The following FAM107B variants were observed in gnomAD, a reference collection of about 807,000 sequenced individuals.
FAM107B encodes family with sequence similarity 107 member B, also known as protein FAM107B.
Under a neutral mutation model 31.5 loss-of-function variants are expected in FAM107B, and 21 were observed. That is an observed-to-expected ratio of 0.67 (90% CI 0.47 to 0.96). The LOEUF is 0.96. FAM107B is among the 40% of genes least tolerant of loss of function. The pLI, the probability that FAM107B is intolerant of heterozygous loss-of-function variation, is 0.00. For missense variants in FAM107B, 452 were observed against 377.1 expected (o/e 1.20, Z -1.64); for synonymous variants, 157 against 141.5 (o/e 1.11, Z -0.78).
chr10:14,647,592 G>A (rs1356497597), intron 2 of FAM107B, among the ~76,000 whole-genome samples: 1 of 151,476 alleles, frequency 6.6e-6, no homozygotes, highest in Non-Finnish European at 1.5e-5. Flanking sequence ...GCTGAGGCAG[G>A]AGGAATCACT....
intron 2 of FAM107B, among the ~76,000 whole-genome samples, chr10:14,619,251 C>T (rs886727324): frequency 1.3e-5 from 2 of 152,150 alleles, no homozygotes; most frequent in Non-Finnish European, 1.5e-5. Context: ...TACGGTCAGT[C>T]GGTGTACATT....
chr10:14,534,375 C>G (rs1847384312), intron 2 of FAM107B, among the ~76,000 whole-genome samples: 1 of 152,086 alleles, frequency 6.6e-6, no homozygotes, highest in Non-Finnish European at 1.5e-5. Context: ...ACACCCCGCC[C>G]TGGAGCTGTG....
intron 2 of FAM107B, among the ~76,000 whole-genome samples, chr10:14,575,742 CA>C (rs891009316): frequency 3.9e-5 from 6 of 152,144 alleles, no homozygotes; most frequent in Non-Finnish European, 8.8e-5. Flanking sequence ...CACGGGCTCA[CA>C]AAACAATACA....
rs3035276 is a variant in FAM107B at position 14,611,484 on chromosome 10, TTATATATATATATATATATATATA to T, written c.469+56126_469+56149del. Among the ~76,000 whole-genome samples, 30 of 124,692 alleles carry T rather than the reference TTATATATATATATATATATATATA, an allele frequency of 2.4e-4. 1 individual carries two copies. In the South Asian group the frequency reaches 3.1e-3, roughly 13 times the overall value. The allele number at this position is 124,692 out of a possible 152,430, so 81.8% of individuals were successfully genotyped here. On this transcript the variant is annotated intron_variant, in intron 2 of 4. Transcript: ENST00000181796. ...ATTAATAACTAGTTGAATGCCAGTT[TTATATATATATATATATATATATA>T]TATATATATATATATATATATTCAC...
chr10:14,543,514 C>T (rs1397880530), intron 2 of FAM107B, among the ~76,000 whole-genome samples: 1 of 151,972 alleles, frequency 6.6e-6, no homozygotes, highest in East Asian at 1.9e-4. Flanking sequence ...GAAATCAGCC[C>T]GTTCTCCAGG....
chr10:14,734,295 T>C (rs367693916), intron 1 of FAM107B, among the ~76,000 whole-genome samples: 1 of 152,106 alleles, frequency 6.6e-6, no homozygotes, highest in African/African-American at 2.4e-5. Flanking sequence ...ACCAGAACTG[T>C]CCCGCACCAA....
intron 2 of FAM107B, among the ~76,000 whole-genome samples, chr10:14,531,824 A>C (rs1164802988): frequency 6.6e-6 from 1 of 152,138 alleles, no homozygotes; most frequent in East Asian, 1.9e-4. Context: ...ACAGAGAGAG[A>C]CTCTGTCTCA....
intron 1 of FAM107B, among the ~76,000 whole-genome samples, chr10:14,767,053 T>TAG (rs1564295724): frequency 1.1e-3 from 30 of 26,408 alleles, no homozygotes; most frequent in Non-Finnish European, 1.5e-3. Context: ...TATATATATA[T>TAG]ATAGAGAGAG....
intron 1 of FAM107B, among the ~76,000 whole-genome samples, chr10:14,769,836 ACTC>A (rs1833260779): frequency 6.6e-6 from 1 of 152,010 alleles, no homozygotes; most frequent in Admixed American, 6.6e-5. Flanking sequence ...CTACCAAACT[ACTC>A]TGAAACTTTT....
intron 1 of FAM107B, among the ~76,000 whole-genome samples, chr10:14,745,874 G>A (rs1009181882): frequency 6.6e-6 from 1 of 152,134 alleles, no homozygotes; most frequent in Non-Finnish European, 1.5e-5. Context: ...CTGTCTCAAT[G>A]ATCTGCCTAA....
chr10:14,557,024 C>T (rs954579984), intron 2 of FAM107B, among the ~76,000 whole-genome samples: 3 of 152,222 alleles, frequency 2.0e-5, no homozygotes, highest in African/African-American at 4.8e-5. Context: ...CCACCTGGAG[C>T]GCATGACCCT....
intron 2 of FAM107B, chr10:14,556,451 A>G (rs1366502662): frequency 3.1e-6 from 3 of 977,428 alleles, no homozygotes; most frequent in East Asian, 2.3e-4. Flanking sequence ...GCCAGAGAGC[A>G]GCCCAGGCCA....
chr10:14,528,378 C>T (rs574232626), intron 3 of FAM107B, among the ~76,000 whole-genome samples: 63 of 152,016 alleles, frequency 4.1e-4, no homozygotes, highest in African/African-American at 1.5e-3. Flanking sequence ...GACAGGGTTT[C>T]GCCAGGTTGG....
intron 1 of FAM107B, among the ~76,000 whole-genome samples, chr10:14,757,680 G>A (rs532230785): frequency 1.1e-4 from 17 of 152,194 alleles, no homozygotes; most frequent in Non-Finnish European, 2.4e-4. Flanking sequence ...ACATAGTGAA[G>A]CCCAAGCAGG....
intron 2 of FAM107B, among the ~76,000 whole-genome samples, chr10:14,559,879 C>CT (rs1436255734): frequency 6.6e-6 from 1 of 151,924 alleles, no homozygotes. Flanking sequence ...TCTCAGAGGA[C>CT]TTTTTTGTGT....
chr10:14,582,823 C>T (rs11259202), intron 2 of FAM107B, among the ~76,000 whole-genome samples: 44,678 of 152,026 alleles, frequency 0.29, 7,404 homozygotes, highest in Middle Eastern at 0.38. Context: ...TGGTGGCTTA[C>T]GCCTATAATC....
intron 2 of FAM107B, among the ~76,000 whole-genome samples, chr10:14,533,248 A>C (rs1847224777): frequency 6.6e-6 from 1 of 152,176 alleles, no homozygotes; most frequent in African/African-American, 2.4e-5. Context: ...GCAGCAGCAT[A>C]GGTAGGCGGA....
chr10:14,548,610 GCC>G (rs1220268955), intron 2 of FAM107B: 7 of 985,402 alleles, frequency 7.1e-6, no homozygotes, highest in Non-Finnish European at 8.4e-6. Flanking sequence ...GGCAGAGACA[GCC>G]CCTGAGGAGG....
At chr10:14,522,855 T>C (rs1158171303) in intron 3 of FAM107B, among the ~76,000 whole-genome samples, 1 of 152,174 alleles carries the variant, frequency 6.6e-6, no homozygotes, top group Non-Finnish European at 1.5e-5. Flanking sequence ...GGTTATACCG[T>C]TACTGAAGGA....
Sources: gnomAD v4.1 joint callset for allele counts (sites outside exome capture counted in the v4.1 genomes callset) on GRCh38, gnomAD v4.1.1 for gene constraint, MANE v1.5 for transcripts, NCBI Gene and HGNC (gene_info 2026-07-23, HGNC 2026-07-21) for gene names.